The following RHOBTB1 variants were observed in gnomAD, a reference collection of about 807,000 sequenced individuals.
The protein encoded by RHOBTB1 is Rho related BTB domain containing 1, also known as rho-related BTB domain-containing protein 1.
A neutral mutation model predicts 71.6 loss-of-function variants in RHOBTB1; 40 were observed. That is an observed-to-expected ratio of 0.56 (90% CI 0.43 to 0.73). RHOBTB1 has a LOEUF of 0.73. RHOBTB1 is among the 30% of genes least tolerant of loss of function. The pLI is 0.00. For missense variants in RHOBTB1, 797 were observed against 894.0 expected (o/e 0.89, Z 1.38); for synonymous variants, 319 against 334.9 (o/e 0.95, Z 0.52).
Position 60,911,020 on chromosome 10 carries a change from C to T in RHOBTB1, c.193-30G>A, listed in dbSNP as rs184538034. 80 of 1,579,638 alleles carry T rather than the reference C, an allele frequency of 5.1e-5. 2 individuals carry two copies. In the African/African-American group the frequency reaches 7.8e-4, roughly 15 times the overall value. On this transcript the variant is annotated intron_variant, in intron 3 of 10. Transcript: ENST00000337910. Reference sequence around the variant, plus strand: ...AGGAGAGAGAGAGAGCATCTGTGCTCGGTGTCAGTCAGAAGTTCCCCAGGA... The same window carrying T: ...AGGAGAGAGAGAGAGCATCTGTGCTTGGTGTCAGTCAGAAGTTCCCCAGGA...
rs370670323 is a variant in RHOBTB1 at position 60,880,177 on chromosome 10, C to CTCTGTGTGTGTGTGTGTGTGTGTG, written c.1576-2120_1576-2119insCACACACACACACACACACACAGA. On this transcript the variant is annotated intron_variant, in intron 7 of 10. Transcript: ENST00000337910. The stretch of plus-strand genomic sequence containing the variant: ...GTCCCTCACAGATACTGAGGGATGA[C>CTCTGTGTGTGTGTGTGTGTGTGTG]TGTGTGTGTGTGTGTGTGTGTGTGT... Among the ~76,000 whole-genome samples the CTCTGTGTGTGTGTGTGTGTGTGTG allele has an allele frequency of 5.5e-4, 55 of 100,618 alleles. 1 individual carries two copies. The highest frequency in any genetic ancestry group is 1.9e-3 in the African/African-American group (46 of 23,876). 66.0% of individuals were successfully genotyped at this position (100,618 alleles called of 152,430 possible).
At chr10:60,911,091 A>G (rs2082944031) in intron 3 of RHOBTB1, 101 bp from the exon 4 acceptor site, 2 of 922,328 alleles carry the variant, frequency 2.2e-6, no homozygotes, top group African/African-American at 1.6e-5. Context: ...ATTCACTTGC[A>G]TTAAGTTTCC....
upstream of RHOBTB1, among the ~76,000 whole-genome samples, chr10:60,944,659 A>G (rs2134297559): frequency 6.6e-6 from 1 of 152,316 alleles, no homozygotes; most frequent in African/African-American, 2.4e-5. Flanking sequence ...CCGGCTGGGC[A>G]GCATGGCTTT....
At chr10:60,872,916 C>G (rs996720273) in intron 9 of RHOBTB1, among the ~76,000 whole-genome samples, 2 of 152,154 alleles carry the variant, frequency 1.3e-5, no homozygotes, top group Admixed American at 1.3e-4. Context: ...TCTACTCCCC[C>G]ATTCCCTCCC....
At chr10:60,920,621 C>CTT (rs66851123) in intron 2 of RHOBTB1, among the ~76,000 whole-genome samples, 1 of 135,802 alleles carries the variant, frequency 7.4e-6, no homozygotes. Flanking sequence ...TTCTGATTTG[C>CTT]TTTTTTTTTT....
intron 1 of RHOBTB1, among the ~76,000 whole-genome samples, chr10:61,001,001 G>A (rs914607887): frequency 9.2e-5 from 14 of 152,108 alleles, no homozygotes; most frequent in Non-Finnish European, 1.3e-4. Flanking sequence ...GACTGACAGT[G>A]ACTTTATCTC....
chr10:60,887,010 T>C (rs1222285572), intron 6 of RHOBTB1, among the ~76,000 whole-genome samples: 3 of 151,948 alleles, frequency 2.0e-5, no homozygotes, highest in Non-Finnish European at 4.4e-5. Flanking sequence ...AATTCCCTAT[T>C]ATCATCCACT....
chr10:60,888,845 G>T lies in RHOBTB1; in HGVS notation c.823C>A (p.Gln275Lys). 6.2e-7 allele frequency: 1 copy of T among 1,614,188 alleles called. No homozygotes were observed. The highest frequency in any genetic ancestry group is 2.2e-5 in the East Asian group (1 of 44,876). Residue 275 changes from glutamine to lysine, a missense_variant, in exon 6 of 11, where the codon CAG becomes AAG. Physicochemically the swap from Gln to Lys is moderately conservative, Grantham distance 53 (BLOSUM62 1). Around this residue, in one of 2 missense-constraint regions of RHOBTB1, gnomAD observed 658 missense variants for 681.5 expected, o/e 0.97. Transcript: ENST00000337910. ...CADVLFILQD[Q>K]EHIFAHRIYL... ...ATTCGATGTGCAAAGATGTGTTCCT[G>T]GTCCTGAAGGATGAACAGAACATCG...
At chr10:60,978,311 G>T (rs2086381296) in intron 2 of RHOBTB1, among the ~76,000 whole-genome samples, 1 of 152,136 alleles carries the variant, frequency 6.6e-6, no homozygotes, top group Middle Eastern at 3.4e-3. Context: ...AAAGTTCCTG[G>T]CTGTTCACAT....
intron 1 of RHOBTB1, among the ~76,000 whole-genome samples, chr10:60,998,186 A>C (rs1309580303): frequency 1.3e-5 from 2 of 152,194 alleles, no homozygotes; most frequent in Admixed American, 1.3e-4. Context: ...TTCATAATTC[A>C]GGCTCACCCT....
chr10:60,861,704 A>C, the RHOBTB1 span, among the ~76,000 whole-genome samples: 1 of 152,216 alleles, frequency 6.6e-6, no homozygotes. Context: ...AGTTTCAACA[A>C]AGATTACTAT....
intron 1 of RHOBTB1, among the ~76,000 whole-genome samples, chr10:60,986,431 A>ATATATATATATATATATATAT (rs1554860002): frequency 1.1e-4 from 15 of 134,606 alleles, no homozygotes; most frequent in African/African-American, 4.2e-4. Flanking sequence ...ATATATATAT[A>ATATATATATATATATATATAT]AAATATATAT....
chr10:60,898,221 C>G (rs765675866), intron 4 of RHOBTB1, among the ~76,000 whole-genome samples: 108 of 152,070 alleles, frequency 7.1e-4, no homozygotes, highest in Non-Finnish European at 1.2e-3. Context: ...GTGCATGAGT[C>G]CCCCTCTGGC....
intron 4 of RHOBTB1, among the ~76,000 whole-genome samples, chr10:60,896,617 T>G (rs2082172744): frequency 6.6e-6 from 1 of 152,214 alleles, no homozygotes; most frequent in Non-Finnish European, 1.5e-5. Context: ...GGCTAAACAG[T>G]TTTATTAGAG....
At chr10:60,996,374 T>C (rs978669780) in intron 1 of RHOBTB1, among the ~76,000 whole-genome samples, 6 of 152,164 alleles carry the variant, frequency 3.9e-5, no homozygotes, top group Admixed American at 2.0e-4. Context: ...AAGCTTCAGA[T>C]GTCTTCCCAC....
At chr10:60,958,427 A>T (rs12571380) in intron 2 of RHOBTB1, among the ~76,000 whole-genome samples, 81,922 of 151,990 alleles carry the variant, frequency 0.54, 22,367 homozygotes, top group East Asian at 0.77. Flanking sequence ...TTAAAATTTT[A>T]CTTTTTTATT....
intron 4 of RHOBTB1, among the ~76,000 whole-genome samples, chr10:60,906,327 T>C (rs2082674237): frequency 6.6e-6 from 1 of 152,210 alleles, no homozygotes; most frequent in Non-Finnish European, 1.5e-5. Flanking sequence ...AATTAAGTTA[T>C]TTGTTGTGGA....
intron 2 of RHOBTB1, among the ~76,000 whole-genome samples, chr10:60,927,269 C>T (rs1028566362): frequency 3.3e-5 from 5 of 152,158 alleles, no homozygotes; most frequent in Non-Finnish European, 7.4e-5. Context: ...TTACAATGCC[C>T]ATACCACCCA....
intron 2 of RHOBTB1, among the ~76,000 whole-genome samples, chr10:60,934,272 C>G (rs1589358397): frequency 6.6e-6 from 1 of 152,184 alleles, no homozygotes; most frequent in African/African-American, 2.4e-5. Flanking sequence ...GCTCCTGAAA[C>G]CTTCTTTTCA....
Sources: allele counts gnomAD v4.1 joint callset (sites outside exome capture counted in the v4.1 genomes callset), GRCh38; gene constraint gnomAD v4.1.1; regional missense constraint gnomAD v4.1.1; transcripts MANE v1.5; gene names NCBI Gene and HGNC (gene_info 2026-07-23, HGNC 2026-07-21).